The following CSF2RB variants were observed in gnomAD, a reference collection of about 807,000 sequenced individuals.
CSF2RB encodes the protein colony stimulating factor 2 receptor subunit beta.
Under a neutral mutation model 67.2 loss-of-function variants are expected in CSF2RB, and 22 were observed. The observed-to-expected ratio is 0.33, with a 90% confidence interval of 0.23 to 0.47. The LOEUF (loss-of-function observed/expected upper bound fraction) is 0.47. Among genes scored for constraint, CSF2RB ranks in the 20% least tolerant of loss-of-function variants. CSF2RB has a pLI of 1.00. For missense variants in CSF2RB, 1,113 were observed against 1,174.5 expected (o/e 0.95, Z 0.76); for synonymous variants, 507 against 482.9 (o/e 1.05, Z -0.65).
Position 36,935,337 on chromosome 22 carries a change from C to A in CSF2RB, c.1316-14C>A, listed in dbSNP as rs1466626543. 6.2e-7 allele frequency: 1 copy of A among 1,613,748 alleles called. No homozygotes were observed. The highest frequency in any genetic ancestry group is 8.5e-7 in the Non-Finnish European group (1 of 1,179,626). On this transcript the variant is annotated splice_polypyrimidine_tract_variant and intron_variant, in intron 10 of 13. Coordinates refer to ENST00000403662, the MANE Select transcript of CSF2RB (RefSeq NM_000395.3). The stretch of plus-strand genomic sequence containing the variant: ...CAGATGCTGACATTCCTCTTTCTCC[C>A]CGGCTGCTGGAAGTGCTGCCTATGT...
chr22:36,917,105 G>A (rs1940737301), intron 1 of CSF2RB, among the ~76,000 whole-genome samples: 1 of 152,102 alleles, frequency 6.6e-6, no homozygotes, highest in African/African-American at 2.4e-5. Context: ...TCATTTGCCA[G>A]GGTTTGTTTG....
rs745334817 is a variant in CSF2RB at position 36,938,529 on chromosome 22, G to A, written c.*27G>A. On this transcript the variant is annotated 3_prime_UTR_variant, in exon 14 of 14. Coordinates refer to ENST00000403662, the MANE Select transcript of CSF2RB (RefSeq NM_000395.3). ...ACCCCCAGGCCTAGACAGGCAAGGG[G>A]ATGGAGAGGGCTTGCCTTCCCTCCC... 50 of 1,589,528 alleles carry A rather than the reference G, an allele frequency of 3.1e-5. No individual in the cohort carries two copies. The highest frequency in any genetic ancestry group is 1.7e-4 in the Middle Eastern group (1 of 5,944).
Position 36,922,205 on chromosome 22 carries a change from G to T in CSF2RB, c.-3G>T. On this transcript the variant is annotated 5_prime_UTR_variant, in exon 2 of 14. Transcript: ENST00000403662. ...GCCTGCCTGTCCAGAGCTGACCAGG[G>T]AGATGGTGCTGGCCCAGGGGCTGCT... The T allele has an allele frequency of 6.3e-7, 1 of 1,585,038 alleles. No homozygotes were observed. Among genetic ancestry groups the T allele is most frequent in the Non-Finnish European group, 8.6e-7 (1 of 1,166,208 alleles).
intron 7 of CSF2RB, 37 bp downstream of exon 7, chr22:36,930,547 T>C: frequency 1.9e-6 from 3 of 1,612,220 alleles, no homozygotes; most frequent in South Asian, 1.1e-5. Context: ...CCCCTCCTCT[T>C]GGCCTTGCTC....
At chr22:36,921,892 C>T (rs890068242) in intron 1 of CSF2RB, 144 bp from the exon 2 acceptor site, 8 of 497,740 alleles carry the variant, frequency 1.6e-5, no homozygotes, top group Admixed American at 3.2e-5. Context: ...GGCCACACAG[C>T]GCATGTCCAT....
In CSF2RB at chr22:36,929,759, G is replaced by A; in HGVS notation, c.670G>A (p.Gly224Arg). 1.2e-6 allele frequency: 2 copies of A among 1,614,158 alleles called. No homozygotes were observed. Among genetic ancestry groups the A allele is most frequent in the Non-Finnish European group, 1.7e-6 (2 of 1,180,022 alleles). Reference sequence around the variant, plus strand: ...CCTGGCCCCAGGTTCTCGGCTCTCAGGACGTCCCAGCAAGTGGAGCCCAGA... The same window carrying A: ...CCTGGCCCCAGGTTCTCGGCTCTCAAGACGTCCCAGCAAGTGGAGCCCAGA... ...TRLAPGSRLS[G>R]RPSKWSPEVC... Residue 224 changes from glycine (G) to arginine (R), a missense_variant, in exon 6 of 14, where the codon GGA (glycine) becomes AGA (arginine). Coordinates refer to ENST00000403662, the MANE Select transcript of CSF2RB (RefSeq NM_000395.3).
chr22:36,914,227 T>C (rs4821559), intron 1 of CSF2RB, among the ~76,000 whole-genome samples: 68,501 of 151,970 alleles, frequency 0.45, 17,658 homozygotes, highest in East Asian at 0.57. Context: ...TGCGGATGTC[T>C]GGGGATGCAG....
chr22:36,926,082 C>T lies in CSF2RB; in HGVS notation c.296C>T (p.Pro99Leu), dbSNP rs1601584607. Residue 99 changes from proline to leucine, a missense_variant, in exon 4 of 14, where the codon CCC becomes CTC. Pro to Leu is a moderately conservative substitution (Grantham distance 98). Around this residue, in one of 2 missense-constraint regions of CSF2RB, gnomAD observed 559 missense variants for 656.5 expected, o/e 0.85. Coordinates refer to ENST00000403662, the MANE Select transcript of CSF2RB (RefSeq NM_000395.3). ...PRCVPRRCVI[P>L]CQSFVVTDVD... ...TGCGTGCCCAGGAGATGTGTCATTC[C>T]CTGCCAGAGTTTTGTCGTCACTGAC... 6.2e-7 allele frequency: 1 copy of T among 1,614,222 alleles called. No individual in the cohort carries two copies.
At position 36,933,816 on chromosome 22, in the gene CSF2RB, C is replaced by T; in HGVS notation, c.1153-16C>T. 1 of 1,601,984 alleles carries T rather than the reference C, an allele frequency of 6.2e-7. No homozygotes were observed. The highest frequency in any genetic ancestry group is 1.1e-5 in the South Asian group (1 of 90,068). ...CGGGCACCGGGCCAGGCCTCACCCT[C>T]AGTGCCAACCCACAGGACAGCAAGA... On this transcript the variant is annotated splice_polypyrimidine_tract_variant and intron_variant, in intron 9 of 13. Coordinates refer to ENST00000403662, the MANE Select transcript of CSF2RB (RefSeq NM_000395.3).
intron 2 of CSF2RB, 44 bp downstream of exon 2, chr22:36,922,327 C>T (rs1357490458): frequency 6.5e-7 from 1 of 1,529,414 alleles, no homozygotes; most frequent in Non-Finnish European, 8.9e-7. Context: ...CCTGTCCTCA[C>T]TGCTGCACCC....
At chr22:36,930,907 G>T in intron 8 of CSF2RB, 77 bp downstream of exon 8, 1 of 1,537,698 alleles carries the variant, frequency 6.5e-7, no homozygotes. Flanking sequence ...ATCAGTTCAG[G>T]GTTCCTCCTG....
At chr22:36,918,277 A>G (rs1940770218) in intron 1 of CSF2RB, among the ~76,000 whole-genome samples, 1 of 152,204 alleles carries the variant, frequency 6.6e-6, no homozygotes, top group Admixed American at 6.5e-5. Context: ...TTAAATGTCA[A>G]AGAAAACTTG....
At chr22:36,928,763 T>C (rs946235983) in intron 4 of CSF2RB, among the ~76,000 whole-genome samples, 1 of 152,182 alleles carries the variant, frequency 6.6e-6, no homozygotes, top group African/African-American at 2.4e-5. Context: ...AAGCCGCATC[T>C]CAGCCTGGAG....
At chr22:36,932,057 G>A (rs1490969662) in intron 8 of CSF2RB, among the ~76,000 whole-genome samples, 1 of 152,230 alleles carries the variant, frequency 6.6e-6, no homozygotes, top group East Asian at 1.9e-4. Context: ...TTTGTGAAAA[G>A]TGAAGGTTAA....
intron 3 of CSF2RB, chr22:36,923,952 G>A (rs368088688): frequency 7.4e-4 from 286 of 389,064 alleles, no homozygotes; most frequent in African/African-American, 5.7e-3. Flanking sequence ...AAGCTCTCCT[G>A]GGCACGTGCC....
In CSF2RB at chr22:36,925,540, A is replaced by C. The variant is rs6000487; in HGVS notation, c.201-447A>C. On this transcript the variant is annotated intron_variant, in intron 3 of 13. Transcript: ENST00000403662. ...CTATCACACGCTCTACTCCCTGCGCACTGGTTTTAGGCCAAGCCACGCAGC... is the reference window on the plus strand; with the variant it reads ...CTATCACACGCTCTACTCCCTGCGCCCTGGTTTTAGGCCAAGCCACGCAGC... Among the ~76,000 whole-genome samples, 571 of 152,190 alleles carry C rather than the reference A, an allele frequency of 3.8e-3. 5 individuals are homozygous for C. Among genetic ancestry groups the C allele is most frequent in the African/African-American group, 0.013 (528 of 41,510 alleles).
Position 36,938,184 on chromosome 22 carries a change from T to C in CSF2RB, c.2376T>C (p.Pro792=), listed in dbSNP as rs1220734282. The C allele has an allele frequency of 6.2e-7, 1 of 1,614,002 alleles. No homozygotes were observed. The highest frequency in any genetic ancestry group is 1.3e-5 in the African/African-American group (1 of 74,904). ...CTGTCCCCCCTGAGGCCAAAAGCCC[T>C]GTCCTGAACCCAGGGGAACGCCCGG... ...NNPVPPEAKS[P]VLNPGERPAD... Residue 792 remains proline (P), a synonymous_variant, in exon 14 of 14, where the codon CCT becomes CCC. Transcript: ENST00000403662.
rs1354292388 is a variant in CSF2RB at position 36,937,426 on chromosome 22, G to A, written c.1618G>A (p.Glu540Lys). Reference protein sequence around the residue: ...GDSEVSPLTIEDPKHVCDPPS... With the variant: ...GDSEVSPLTIKDPKHVCDPPS... ...CAGCGAGGTGTCACCTCTCACCATA[G>A]AGGACCCCAAGCATGTCTGTGATCC... The change falls in exon 14 of 14, where the codon GAG (glutamate) becomes AAG (lysine). Residue 540 changes from glutamate (E) to lysine (K), a missense_variant. Transcript: ENST00000403662. This position sits in a 1 kb window ranked among gnomAD's most constrained non-coding sequence, Gnocchi z 4.6. 6.2e-7 allele frequency: 1 copy of A among 1,613,878 alleles called. No homozygotes were observed. The highest frequency in any genetic ancestry group is 8.5e-7 in the Non-Finnish European group (1 of 1,179,984).
intron 3 of CSF2RB, 65 bp from the exon 4 acceptor site, chr22:36,925,922 G>A (rs923148764): frequency 1.9e-5 from 30 of 1,565,096 alleles, no homozygotes; most frequent in South Asian, 1.2e-4. Flanking sequence ...GTGAGCACTC[G>A]AGGAACCTTT....
Sources: gnomAD v4.1 joint callset for allele counts (sites outside exome capture counted in the v4.1 genomes callset) on GRCh38, gnomAD v4.1.1 for gene constraint, gnomAD v4.1.1 regional missense constraint, Gnocchi (gnomAD v3.1) non-coding constraint, MANE v1.5 for transcripts, NCBI Gene and HGNC (gene_info 2026-07-23, HGNC 2026-07-21) for gene names.